RYR2: variants seen among roughly 807,000 people sequenced by gnomAD.
The protein encoded by RYR2 is cardiac muscle ryanodine receptor-calcium release channel.
A neutral mutation model predicts 601.1 loss-of-function variants in RYR2; 227 were observed. The observed-to-expected ratio is 0.38, with a 90% CI of 0.34 to 0.42. RYR2 has a LOEUF of 0.42. Among genes scored for constraint, RYR2 ranks in the 10% least tolerant of loss-of-function variants. RYR2 has a pLI of 1.00. For synonymous variants in RYR2, 2,223 were observed against 2,175.1 expected, an observed-to-expected ratio of 1.02 and a Z score of -0.61; for missense variants, 4,646 against 6,156.5, an observed-to-expected ratio of 0.75 and a Z score of 8.21.
intron 2 of RYR2, among the ~76,000 whole-genome samples, chr1:237,322,318 C>T (rs914860315): frequency 2.6e-5 from 4 of 152,290 alleles, no homozygotes; most frequent in South Asian, 2.1e-4. Context: ...TTACTGTCTT[C>T]GCTTTTCTCT....
At chr1:237,105,220 C>T (rs77365161) in intron 1 of RYR2, among the ~76,000 whole-genome samples, 5,024 of 152,180 alleles carry the variant, frequency 0.033, 171 homozygotes, top group Admixed American at 0.11. Flanking sequence ...TCTAGGTGCC[C>T]GAAATATGCT....
At chr1:237,385,272 T>C in intron 8 of RYR2, among the ~76,000 whole-genome samples, 1 of 152,206 alleles carries the variant, frequency 6.6e-6, no homozygotes, top group East Asian at 1.9e-4. Context: ...TGTATATATT[T>C]TACATATGCA....
chr1:237,446,063 C>G (rs1415440346), intron 14 of RYR2, among the ~76,000 whole-genome samples: 1 of 152,192 alleles, frequency 6.6e-6, no homozygotes, highest in Non-Finnish European at 1.5e-5. Context: ...GATCCGCTCT[C>G]CTTGGCCTCC....
At chr1:237,828,208 G>T (rs1195620270) in intron 101 of RYR2, among the ~76,000 whole-genome samples, 173 bp from the exon 102 acceptor site, 1 of 152,122 alleles carries the variant, frequency 6.6e-6, no homozygotes, top group Non-Finnish European at 1.5e-5. Context: ...TGTCCCCAAA[G>T]ACAGAACACC....
intron 62 of RYR2, among the ~76,000 whole-genome samples, chr1:237,685,176 A>G (rs909760053): frequency 6.6e-6 from 1 of 152,316 alleles, no homozygotes; most frequent in Admixed American, 6.5e-5. Context: ...GAGAAAGGGG[A>G]CAACAGTATT....
intron 2 of RYR2, among the ~76,000 whole-genome samples, chr1:237,324,317 A>T (rs1483945389): frequency 1.3e-5 from 2 of 152,178 alleles, no homozygotes; most frequent in Non-Finnish European, 2.9e-5. Context: ...AACAACAACC[A>T]CCACTTTATC....
chr1:237,093,897 A>T (rs1040197416), intron 1 of RYR2, among the ~76,000 whole-genome samples: 4 of 152,186 alleles, frequency 2.6e-5, no homozygotes, highest in African/African-American at 9.6e-5. Context: ...AACGTGGCAA[A>T]CCAGAGTGGT....
At chr1:237,574,138 C>T (rs1421111003) in intron 29 of RYR2, among the ~76,000 whole-genome samples, 1 of 152,176 alleles carries the variant, frequency 6.6e-6, no homozygotes, top group African/African-American at 2.4e-5. Flanking sequence ...TTAAAAATCT[C>T]TTCAGAGTAT....
intron 1 of RYR2, among the ~76,000 whole-genome samples, chr1:237,231,310 CTT>C (rs1684975687): frequency 7.3e-6 from 1 of 136,706 alleles, no homozygotes; most frequent in African/African-American, 3.1e-5. Flanking sequence ...GTCTTTTTTT[CTT>C]TCTTTCTTTC....
At chr1:237,199,950 C>T (rs532022344) in intron 1 of RYR2, among the ~76,000 whole-genome samples, 2 of 152,054 alleles carry the variant, frequency 1.3e-5, no homozygotes, top group South Asian at 2.1e-4. Context: ...GTTAATTAGC[C>T]GAGTTTTGTT....
At chr1:237,305,375 GA>G (rs1272620234) in intron 2 of RYR2, among the ~76,000 whole-genome samples, 1 of 152,154 alleles carries the variant, frequency 6.6e-6, no homozygotes, top group Non-Finnish European at 1.5e-5. Flanking sequence ...AATTACAGAA[GA>G]ATATACACTT....
chr1:237,101,159 C>T (rs1395532929), intron 1 of RYR2, among the ~76,000 whole-genome samples: 1 of 152,084 alleles, frequency 6.6e-6, no homozygotes, highest in African/African-American at 2.4e-5. Context: ...ATTGGCAGAG[C>T]TGGGATGACT....
chr1:237,055,907 T>C (rs901523537), intron 1 of RYR2, among the ~76,000 whole-genome samples: 14 of 152,104 alleles, frequency 9.2e-5, no homozygotes. Flanking sequence ...GGTGTGAAGA[T>C]ACACAGGGAG....
intron 99 of RYR2, among the ~76,000 whole-genome samples, chr1:237,806,641 G>T (rs865807962): frequency 6.6e-6 from 1 of 152,142 alleles, no homozygotes; most frequent in Admixed American, 6.5e-5. Context: ...TGCTCCACTT[G>T]CTATTATGGA....
At chr1:237,331,596 G>A (rs1355743993) in intron 3 of RYR2, among the ~76,000 whole-genome samples, 2 of 151,736 alleles carry the variant, frequency 1.3e-5, no homozygotes, top group African/African-American at 2.4e-5. Flanking sequence ...TCTGCCTCCC[G>A]GGTTCATGCC....
At chr1:237,709,141 A>T in intron 69 of RYR2, 43 bp downstream of exon 69, 1 of 1,506,030 alleles carries the variant, frequency 6.6e-7, no homozygotes, top group Non-Finnish European at 8.9e-7. Context: ...ATTCGGTCAT[A>T]ACGTTTCTTG....
chr1:237,445,912 G>A (rs1290616008), intron 14 of RYR2, among the ~76,000 whole-genome samples: 1 of 152,102 alleles, frequency 6.6e-6, no homozygotes, highest in African/African-American at 2.4e-5. Context: ...TGCCTCCTGG[G>A]TTCAAGCGAT....
At chr1:237,500,519 C>T (rs534870192) in intron 20 of RYR2, among the ~76,000 whole-genome samples, 192 bp from the exon 21 acceptor site, 3 of 152,314 alleles carry the variant, frequency 2.0e-5, no homozygotes, top group African/African-American at 7.2e-5. Context: ...AGCAGCCTGA[C>T]TCCTGAAATA....
chr1:237,291,354 AG>A (rs1692168944), intron 2 of RYR2, among the ~76,000 whole-genome samples: 1 of 152,156 alleles, frequency 6.6e-6, no homozygotes, highest in Non-Finnish European at 1.5e-5. Flanking sequence ...CAAATGGAAC[AG>A]CCACTTTGGA....
Sources: allele counts gnomAD v4.1 joint callset (sites outside exome capture counted in the v4.1 genomes callset), GRCh38; gene constraint gnomAD v4.1.1; transcripts MANE v1.5; gene names NCBI Gene and HGNC (gene_info 2026-07-23, HGNC 2026-07-21).